NCKAP5: variants seen among roughly 807,000 people sequenced by gnomAD.
NCKAP5 encodes NCK associated protein 5.
NCKAP5 carries 92 observed loss-of-function variants against 167.0 expected under a neutral mutation model. The observed-to-expected ratio is 0.55, with a 90% CI of 0.47 to 0.66. The LOEUF (loss-of-function observed/expected upper bound fraction) is 0.66, where lower values mean the gene tolerates loss of function less well. NCKAP5 is among the 30% of genes least tolerant of loss of function. The pLI is 0.00. For synonymous variants in NCKAP5, 891 were observed against 877.4 expected (o/e 1.02, Z -0.27); for missense variants, 2,378 against 2,315.0 (o/e 1.03, Z -0.56).
intron 16 of NCKAP5, among the ~76,000 whole-genome samples, chr2:132,735,256 C>T (rs912725339): frequency 2.0e-5 from 3 of 152,142 alleles, no homozygotes; most frequent in Admixed American, 1.3e-4. Context: ...AATGTAATCC[C>T]CAGTGTTGGA....
chr2:132,906,529 A>G (rs1694023367), intron 8 of NCKAP5, among the ~76,000 whole-genome samples: 1 of 152,162 alleles, frequency 6.6e-6, no homozygotes, highest in Non-Finnish European at 1.5e-5. Context: ...AGGCATGAAA[A>G]TACTTATAAC....
chr2:133,184,398 C>G (rs1574302977), intron 5 of NCKAP5, among the ~76,000 whole-genome samples: 1 of 152,038 alleles, frequency 6.6e-6, no homozygotes, highest in Non-Finnish European at 1.5e-5. Flanking sequence ...TCCATGTCTT[C>G]GTTATTGTGA....
At chr2:133,205,756 CAT>C (rs138042009) in intron 5 of NCKAP5, among the ~76,000 whole-genome samples, 2 of 151,686 alleles carry the variant, frequency 1.3e-5, no homozygotes, top group African/African-American at 4.8e-5. Context: ...ATGAATATGC[CAT>C]ATATATATAT....
chr2:133,448,503 T>C (rs1360367466), intron 3 of NCKAP5, among the ~76,000 whole-genome samples: 1 of 152,210 alleles, frequency 6.6e-6, no homozygotes, highest in African/African-American at 2.4e-5. Flanking sequence ...GCATGTATGT[T>C]CTTGGTTTGG....
intron 3 of NCKAP5, chr2:133,391,097 G>C (rs1687369532): frequency 6.6e-6 from 1 of 152,074 alleles, no homozygotes; most frequent in Admixed American, 6.5e-5. Flanking sequence ...ACTTTCCTGA[G>C]AGCTCTCTGC....
rs2080906056 is a variant in NCKAP5, at chr2:133,084,179, G to A, written c.341+45799C>T. Among the ~76,000 whole-genome samples, 3 of 152,224 alleles carry A rather than the reference G, an allele frequency of 2.0e-5. 1 individual carries two copies. In the South Asian group the frequency reaches 6.2e-4, roughly 32 times the overall value. On this transcript the variant is annotated intron_variant, in intron 6 of 19. Transcript: ENST00000409261. ...GTGGCTGGATAAGGAAAAAGAAGTT[G>A]AGGGAGAGGAATGTGGCCAGGGAAC...
At chr2:133,469,682 C>T (rs1034728138) in intron 3 of NCKAP5, among the ~76,000 whole-genome samples, 1 of 152,032 alleles carries the variant, frequency 6.6e-6, no homozygotes, top group East Asian at 1.9e-4. Context: ...TCACATAGTC[C>T]CATATTTCTT....
intron 4 of NCKAP5, among the ~76,000 whole-genome samples, chr2:133,287,775 G>T (rs1420177627): frequency 6.6e-6 from 1 of 152,198 alleles, no homozygotes. Context: ...CATGTGAAGA[G>T]GTAGGGAGGC....
intron 3 of NCKAP5, among the ~76,000 whole-genome samples, chr2:133,426,042 C>G (rs147131790): frequency 1.3e-5 from 2 of 152,062 alleles, no homozygotes; most frequent in Non-Finnish European, 2.9e-5. Flanking sequence ...GAGGCCAAGG[C>G]GGGAGGATCA....
At chr2:133,457,257 T>C (rs1691916399) in intron 3 of NCKAP5, among the ~76,000 whole-genome samples, 1 of 152,194 alleles carries the variant, frequency 6.6e-6, no homozygotes, top group South Asian at 2.1e-4. Context: ...CATGTAATCA[T>C]CTTTCCATTT....
chr2:132,833,652 G>C (rs910250696), intron 11 of NCKAP5, among the ~76,000 whole-genome samples: 3 of 152,066 alleles, frequency 2.0e-5, no homozygotes, highest in African/African-American at 7.2e-5. Flanking sequence ...TGTCAGCTTT[G>C]TCAAAGATCT....
Position 132,671,905 on chromosome 2 carries a change from A to G in NCKAP5, c.*1384T>C, listed in dbSNP as rs1683798697. 1 of 152,672 alleles carries G rather than the reference A, an allele frequency of 6.5e-6. No homozygotes were observed. Among genetic ancestry groups the G allele is most frequent in the Non-Finnish European group, 1.5e-5 (1 of 68,044 alleles). 9.5% of individuals were successfully genotyped at this position (152,672 alleles called of 1,614,324 possible). On this transcript the variant is annotated 3_prime_UTR_variant, in exon 20 of 20. Coordinates refer to ENST00000409261, the MANE Select transcript of NCKAP5 (RefSeq NM_207363.3). Reference sequence around the variant, plus strand: ...TTTCATTTAAGATAAAATAAAACAAATTGCACAAATTAACCAAATAACACT... The same window carrying G: ...TTTCATTTAAGATAAAATAAAACAAGTTGCACAAATTAACCAAATAACACT...
intron 5 of NCKAP5, among the ~76,000 whole-genome samples, chr2:133,141,754 G>A (rs73000811): frequency 0.03 from 4,607 of 152,144 alleles, 210 homozygotes; most frequent in African/African-American, 0.1. Flanking sequence ...TTCTTTAAAC[G>A]AAGACTTGAG....
At chr2:132,793,105 GTT>G (rs1028954936) in intron 12 of NCKAP5, among the ~76,000 whole-genome samples, 4 of 152,164 alleles carry the variant, frequency 2.6e-5, no homozygotes, top group Admixed American at 2.0e-4. Context: ...TGCCTCCCAG[GTT>G]CAAGTGATTC....
intron 8 of NCKAP5, among the ~76,000 whole-genome samples, chr2:132,958,055 T>C (rs1045064452): frequency 1.3e-5 from 2 of 152,194 alleles, no homozygotes; most frequent in African/African-American, 4.8e-5. Flanking sequence ...GTATGCCTTT[T>C]CTCCTACCAA....
chr2:132,970,234 AT>A (rs980496965), intron 7 of NCKAP5, among the ~76,000 whole-genome samples: 12 of 152,226 alleles, frequency 7.9e-5, no homozygotes, highest in African/African-American at 2.2e-4. Context: ...ATCAGAAAAA[AT>A]ATCACAAATT....
intron 8 of NCKAP5, among the ~76,000 whole-genome samples, chr2:132,890,807 A>G (rs1025054766): frequency 1.3e-5 from 2 of 152,242 alleles, no homozygotes; most frequent in Non-Finnish European, 2.9e-5. Context: ...GAGCTTGTAC[A>G]GTATCCAGAC....
At chr2:132,733,104 T>C (rs937878215) in intron 16 of NCKAP5, among the ~76,000 whole-genome samples, 7 of 152,214 alleles carry the variant, frequency 4.6e-5, no homozygotes, top group Non-Finnish European at 1.0e-4. Context: ...CAAAACATTT[T>C]ATATACGGAG....
intron 19 of NCKAP5, among the ~76,000 whole-genome samples, chr2:132,717,949 C>A (rs1473212623): frequency 2.0e-5 from 3 of 152,182 alleles, no homozygotes; most frequent in Non-Finnish European, 4.4e-5. Flanking sequence ...ATAGACCCTA[C>A]TGGGATTTTA....
Sources: allele counts gnomAD v4.1 joint callset (sites outside exome capture counted in the v4.1 genomes callset), GRCh38; gene constraint gnomAD v4.1.1; transcripts MANE v1.5; gene names NCBI Gene and HGNC (gene_info 2026-07-23, HGNC 2026-07-21).